The following AKAP9 variants were observed in gnomAD, a reference collection of about 807,000 sequenced individuals.
The protein encoded by AKAP9 is A-kinase anchoring protein 9, also known as A-kinase anchor protein 9.
In AKAP9, 311 loss-of-function variants were observed where a neutral mutation model predicts 488.5. That is an observed-to-expected ratio of 0.64 (90% CI 0.58 to 0.70). The LOEUF (loss-of-function observed/expected upper bound fraction) is 0.70, where lower values mean the gene tolerates loss of function less well. Ranked by LOEUF, AKAP9 falls within the 30% of genes least tolerant of loss-of-function variation. AKAP9 has a pLI of 0.00. For synonymous variants in AKAP9, 1,462 were observed against 1,483.5 expected (o/e 0.99, Z 0.33); for missense variants, 4,215 against 4,374.5 (o/e 0.96, Z 1.03).
chr7:92,037,403 C>G (rs772109102), intron 16 of AKAP9, among the ~76,000 whole-genome samples: 1 of 152,138 alleles, frequency 6.6e-6, no homozygotes, highest in Non-Finnish European at 1.5e-5. Flanking sequence ...GTTATATGAC[C>G]TGGACCAGCA....
chr7:92,090,931 C>G (rs1815444697), intron 38 of AKAP9, among the ~76,000 whole-genome samples: 1 of 152,152 alleles, frequency 6.6e-6, no homozygotes, highest in Non-Finnish European at 1.5e-5. Context: ...CACATCTTTG[C>G]CAACAGTTAG....
chr7:92,108,790 A>T, intron 49 of AKAP9, 157 bp downstream of exon 49: 4 of 884,618 alleles, frequency 4.5e-6, no homozygotes, highest in Non-Finnish European at 5.5e-6. Flanking sequence ...TCTTGTAACC[A>T]GCAGAGAAAC....
In AKAP9 at chr7:92,038,409, A is replaced by T. The variant is rs761904997; in HGVS notation, c.4339-10A>T. 6.3e-7 allele frequency: 1 copy of T among 1,595,376 alleles called. No individual in the cohort carries two copies. Among genetic ancestry groups the T allele is most frequent in the Non-Finnish European group, 8.6e-7 (1 of 1,163,558 alleles). On this transcript the variant is annotated splice_polypyrimidine_tract_variant and intron_variant, in intron 16 of 49. Transcript: ENST00000356239. ...ATCTAATCCTTTATTGTTTGCTTTTATTTCTTTAGGTTATTGTGTCAATGA... is the reference window on the plus strand; with the variant it reads ...ATCTAATCCTTTATTGTTTGCTTTTTTTTCTTTAGGTTATTGTGTCAATGA...
intron 7 of AKAP9, among the ~76,000 whole-genome samples, chr7:91,996,791 T>C (rs1003033590): frequency 2.0e-5 from 3 of 152,148 alleles, no homozygotes; most frequent in Admixed American, 6.6e-5. Flanking sequence ...GGTTGAGAAA[T>C]TACCAAGACA....
chr7:91,944,555 T>C (rs1396534903), intron 1 of AKAP9, among the ~76,000 whole-genome samples: 1 of 151,982 alleles, frequency 6.6e-6, no homozygotes, highest in East Asian at 1.9e-4. Flanking sequence ...CCTGGCTAAT[T>C]TTTGTATTTT....
chr7:91,955,926 C>T (rs78526667), intron 1 of AKAP9, among the ~76,000 whole-genome samples: 5,255 of 152,244 alleles, frequency 0.035, 268 homozygotes, highest in African/African-American at 0.12. Flanking sequence ...AGCCACTGCA[C>T]CCAACCGCCT....
intron 3 of AKAP9, among the ~76,000 whole-genome samples, chr7:91,984,720 G>A (rs1174991083): frequency 1.3e-5 from 2 of 152,148 alleles, no homozygotes; most frequent in Admixed American, 1.3e-4. Flanking sequence ...ATTACCTTGG[G>A]CAGTGTGGCC....
chr7:91,962,651 A>G (rs1209728287), intron 1 of AKAP9, among the ~76,000 whole-genome samples: 2 of 152,206 alleles, frequency 1.3e-5, no homozygotes, highest in Admixed American at 6.5e-5. Context: ...CTGAAAAATA[A>G]TATGACTTCA....
intron 39 of AKAP9, 82 bp from the exon 40 acceptor site, chr7:92,094,941 T>C (rs1404417756): frequency 1.6e-6 from 2 of 1,266,026 alleles, no homozygotes; most frequent in East Asian, 4.7e-5. Flanking sequence ...CCTCAACTTA[T>C]CAGTAGAAGC....
chr7:92,084,835 G>A lies in AKAP9; in HGVS notation c.8727G>A (p.Trp2909Ter). The A allele has an allele frequency of 3.7e-6, 6 of 1,613,222 alleles. No homozygotes were observed. The highest frequency in any genetic ancestry group is 4.2e-6 in the Non-Finnish European group (5 of 1,179,648). The change falls in exon 35 of 50, where the codon TGG (tryptophan) becomes TGA (stop). Residue 2909 changes from tryptophan to a stop codon, truncating the protein, a stop_gained. Coordinates refer to ENST00000356239, the MANE Select transcript of AKAP9 (RefSeq NM_005751.5). LOFTEE classifies it high-confidence loss of function. ...TTATTTTAGATTCTGGATCAGACTGGGGTCAGGGAATTTATCTTACACACA... is the reference window on the plus strand; with the variant it reads ...TTATTTTAGATTCTGGATCAGACTGAGGTCAGGGAATTTATCTTACACACA... ...EICSSDSGSD[W>*]GQGIYLTHSQ...
intron 36 of AKAP9, 28 bp from the exon 37 acceptor site, chr7:92,086,200 C>T: frequency 6.4e-7 from 1 of 1,571,962 alleles, no homozygotes; most frequent in Non-Finnish European, 8.7e-7. Flanking sequence ...TATTTGAAAA[C>T]TAACTATCGT....
chr7:92,108,409 T>C, intron 48 of AKAP9, 85 bp from the exon 49 acceptor site: 1 of 1,401,630 alleles, frequency 7.1e-7, no homozygotes, highest in South Asian at 1.2e-5. Flanking sequence ...ACCCACCTTT[T>C]TGGGGAAGGG....
rs74330988 is a variant in AKAP9 at position 91,996,295 on chromosome 7, G to A, written c.930+495G>A. Among the ~76,000 whole-genome samples the A allele has an allele frequency of 3.2e-3, 481 of 152,134 alleles. 27 individuals carry two copies. The East Asian group carries it at 0.087, about 27-fold the overall frequency. The stretch of plus-strand genomic sequence containing the variant: ...GGAATATGTGTCCGTGTATGGGTGC[G>A]TATATTTTACATATATGTGTATCAC... On this transcript the variant is annotated intron_variant, in intron 7 of 49. Transcript: ENST00000356239.
chr7:92,046,509 TAA>T, intron 21 of AKAP9, among the ~76,000 whole-genome samples: 1 of 152,352 alleles, frequency 6.6e-6, no homozygotes, highest in Admixed American at 6.5e-5. Context: ...GAATTGCAAA[TAA>T]AACTGATTTT....
chr7:91,954,509 C>G (rs1350214008), intron 1 of AKAP9, among the ~76,000 whole-genome samples: 3 of 152,180 alleles, frequency 2.0e-5, no homozygotes, highest in Admixed American at 2.0e-4. Flanking sequence ...CTCAAGTGAT[C>G]CTCCCACCTC....
rs1407994937 is a variant in AKAP9, at chr7:92,080,066, G to C, written c.7933G>C (p.Glu2645Gln). 8.3e-6 allele frequency: 13 copies of C among 1,570,528 alleles called. No individual in the cohort carries two copies. The highest frequency in any genetic ancestry group is 1.0e-5 in the Non-Finnish European group (12 of 1,169,570). The change falls in exon 31 of 50, where the codon GAA becomes CAA. Residue 2645 changes from glutamate to glutamine, a missense_variant. By Grantham distance (29) the Glu-to-Gln change is conservative (BLOSUM62 2). Around this residue, in one of 5 missense-constraint regions of AKAP9, gnomAD observed 1,476 missense variants for 1,477.4 expected, o/e 1.00. Coordinates refer to ENST00000356239, the MANE Select transcript of AKAP9 (RefSeq NM_005751.5). ...TTTAGAAAAAGAAAAGAAGCTGCTA[G>C]AACTACAGAAGCTATTGGAGGGCAA... ...NVLEKEKKLL[E>Q]LQKLLEGNEK...
chr7:92,078,362 C>G (rs1423345340), intron 30 of AKAP9, among the ~76,000 whole-genome samples: 2 of 152,132 alleles, frequency 1.3e-5, no homozygotes, highest in African/African-American at 4.8e-5. Flanking sequence ...AGGCTCACAC[C>G]TGTAATCCTT....
At chr7:92,060,135 C>T (rs1192907372) in intron 22 of AKAP9, among the ~76,000 whole-genome samples, 2 of 151,900 alleles carry the variant, frequency 1.3e-5, no homozygotes, top group African/African-American at 2.4e-5. Flanking sequence ...AAATACCTCT[C>T]AGATGTGAAA....
At chr7:92,034,499 T>TAG (rs11439002) in intron 16 of AKAP9, among the ~76,000 whole-genome samples, 1 of 58,206 alleles carries the variant, frequency 1.7e-5, no homozygotes, top group East Asian at 4.3e-4. Context: ...TATATATATA[T>TAG]TTTTTTTTTT....
Sources: gnomAD v4.1 joint callset for allele counts (sites outside exome capture counted in the v4.1 genomes callset) on GRCh38, gnomAD v4.1.1 for gene constraint, gnomAD v4.1.1 regional missense constraint, MANE v1.5 for transcripts, NCBI Gene and HGNC (gene_info 2026-07-23, HGNC 2026-07-21) for gene names.